Variants in PZP observed in about 807,000 individuals in gnomAD.
PZP encodes the protein PZP alpha-2-macroglobulin like.
In PZP, 150 loss-of-function variants were observed where a neutral mutation model predicts 179.8. That is an observed-to-expected ratio of 0.83 (90% CI 0.73 to 0.96). PZP has a LOEUF of 0.96. Ranked by LOEUF, PZP falls within the 40% of genes least tolerant of loss-of-function variation. PZP has a pLI of 0.00. For synonymous variants in PZP, 624 were observed against 652.3 expected, an observed-to-expected ratio of 0.96 and a Z score of 0.66; for missense variants, 1,689 against 1,764.0, an observed-to-expected ratio of 0.96 and a Z score of 0.76.
chr12:9,194,383 A>G, intron 10 of PZP, 145 bp from the exon 11 acceptor site: 1 of 644,478 alleles, frequency 1.6e-6, no homozygotes, highest in Non-Finnish European at 2.6e-6. Context: ...TTACGACAAA[A>G]TGTTTCCTTC....
chr12:9,148,997 A>G lies in PZP; in HGVS notation c.4427-3T>C, dbSNP rs771866595. ...TCAAACATTTCCATGCTCTGTATCT[A>G]TGGAGAAAAGAAAAACGTAAGGAGG... is the stretch of plus-strand genomic sequence containing the variant. On this transcript the variant is annotated splice_region_variant and splice_polypyrimidine_tract_variant and intron_variant, in intron 35 of 35. Coordinates refer to ENST00000261336, the MANE Select transcript of PZP (RefSeq NM_002864.3). 4.3e-6 allele frequency: 7 copies of G among 1,611,272 alleles called. No homozygotes were observed. The Admixed American group carries it at 5.0e-5, about 12-fold the overall frequency.
chr12:9,177,138 C>T (rs1162437984), intron 15 of PZP, among the ~76,000 whole-genome samples: 1 of 152,136 alleles, frequency 6.6e-6, no homozygotes, highest in Non-Finnish European at 1.5e-5. Flanking sequence ...ATAGGGTTGA[C>T]CTCTGTAGCC....
intron 12 of PZP, 29 bp downstream of exon 12, chr12:9,192,483 G>A: frequency 6.3e-7 from 1 of 1,583,014 alleles, no homozygotes. Context: ...CTGATAAGCT[G>A]CAATTGTATT....
chr12:9,147,546 C>A (rs773814450), downstream of PZP, among the ~76,000 whole-genome samples: 1 of 152,144 alleles, frequency 6.6e-6, no homozygotes, highest in Non-Finnish European at 1.5e-5. Flanking sequence ...AGGAGTCTTT[C>A]AATTAGCCTT....
the PZP span, among the ~76,000 whole-genome samples, chr12:9,137,560 A>T: frequency 6.6e-6 from 1 of 152,046 alleles, no homozygotes; most frequent in Admixed American, 6.5e-5. Flanking sequence ...ATTTTTTTAA[A>T]CAATACCAAT....
At chr12:9,198,978 CAGTTTTGCTTCTTCAGGTTAAA>C (rs1331322428) in intron 7 of PZP, among the ~76,000 whole-genome samples, 43 of 152,266 alleles carry the variant, frequency 2.8e-4, no homozygotes, top group African/African-American at 8.9e-4. Context: ...TGTAGGCTAT[CAGTTTTGCTTCTTCAGGTTAAA>C]AGGAACTGTA....
chr12:9,204,477 A>G (rs1944348805), intron 1 of PZP, among the ~76,000 whole-genome samples: 1 of 152,192 alleles, frequency 6.6e-6, no homozygotes, highest in African/African-American at 2.4e-5. Flanking sequence ...ACAAAATAAC[A>G]CATGTCTATA....
At chr12:9,185,478 G>C (rs1943040974) in intron 13 of PZP, among the ~76,000 whole-genome samples, 1 of 152,202 alleles carries the variant, frequency 6.6e-6, no homozygotes, top group South Asian at 2.1e-4. Flanking sequence ...CCTTGAAAGA[G>C]ATGAGCATAA....
intron 10 of PZP, 107 bp from the exon 11 acceptor site, chr12:9,194,345 T>A: frequency 9.9e-7 from 1 of 1,007,718 alleles, no homozygotes; most frequent in Admixed American, 2.6e-5. Flanking sequence ...AACCTCCCCC[T>A]CAAAAAAACC....
rs1160614432 is a variant in PZP at position 9,208,276 on chromosome 12, G to A, written c.66C>T (p.Asp22=). The change falls in exon 1 of 36, where the codon GAC becomes GAT. Residue 22 remains aspartate (D), a synonymous_variant. Coordinates refer to ENST00000261336, the MANE Select transcript of PZP (RefSeq NM_002864.3). ...VLLLILLSAS[D]SNSTEPQYMV... is the part of the protein sequence containing the mutation. ...AGACTTACGGTTCTGTAGAGTTTGA[G>A]TCACTGGCAGAAAGCAGGATAAGAA... 1 of 1,613,474 alleles carries A rather than the reference G, an allele frequency of 6.2e-7. No homozygotes were observed. The highest frequency in any genetic ancestry group is 1.7e-5 in the Admixed American group (1 of 60,020).
chr12:9,193,322 C>A (rs531661762), intron 11 of PZP, among the ~76,000 whole-genome samples: 4 of 152,046 alleles, frequency 2.6e-5, no homozygotes, highest in Non-Finnish European at 5.9e-5. Flanking sequence ...TTATTTTTTT[C>A]TAAATTTATT....
intron 17 of PZP, 86 bp downstream of exon 17, chr12:9,168,783 T>C (rs1404890859): frequency 1.8e-5 from 18 of 985,822 alleles, no homozygotes; most frequent in Non-Finnish European, 2.7e-5. Context: ...AAAGTGGAAA[T>C]AGGGCTACAT....
In PZP at chr12:9,159,996, G is replaced by A; in HGVS notation, c.3079C>T (p.Gln1027Ter). ...CCAAAGGTGCTGTAGGAGCCATCTT[G>A]GTGTTTGTAGTTCAGCTGTCTCTGG... ...GYQRQLNYKH[Q>*]DGSYSTFGER... The change falls in exon 25 of 36, where the codon CAA becomes TAA. Residue 1027 changes from glutamine to a stop codon, truncating the protein, a stop_gained. Coordinates refer to ENST00000261336, the MANE Select transcript of PZP (RefSeq NM_002864.3). LOFTEE classifies it high-confidence loss of function. 1.9e-6 allele frequency: 3 copies of A among 1,613,910 alleles called. No homozygotes were observed. The highest frequency in any genetic ancestry group is 2.5e-6 in the Non-Finnish European group (3 of 1,179,886).
chr12:9,153,708 T>A (rs917268944), intron 29 of PZP, among the ~76,000 whole-genome samples: 1 of 152,190 alleles, frequency 6.6e-6, no homozygotes, highest in Non-Finnish European at 1.5e-5. Flanking sequence ...TTACTGTACA[T>A]GAAAATGGTA....
chr12:9,163,821 C>A (rs1028285565), intron 20 of PZP, 32 bp from the exon 21 acceptor site: 7 of 1,601,444 alleles, frequency 4.4e-6, no homozygotes, highest in Non-Finnish European at 5.1e-6. Context: ...ACATGAGTAT[C>A]CACTTTGATA....
chr12:9,196,547 C>T, intron 9 of PZP, 24 bp downstream of exon 9: 1 of 1,579,286 alleles, frequency 6.3e-7, no homozygotes, highest in Non-Finnish European at 8.7e-7. Context: ...TGTTTTATTT[C>T]CCATATTCGT....
intron 2 of PZP, 103 bp from the exon 3 acceptor site, chr12:9,202,787 G>A (rs1050198710): frequency 9.1e-7 from 1 of 1,102,264 alleles, no homozygotes. Flanking sequence ...CTTCACCAAG[G>A]AGAAGGAAGG....
chr12:9,168,568 G>A (rs1271345847), intron 17 of PZP: 2 of 258,240 alleles, frequency 7.7e-6, no homozygotes, highest in Non-Finnish European at 1.5e-5. Context: ...TGTCTTTCCT[G>A]TTTCCATAAT....
rs764416754 is a variant in PZP, at chr12:9,149,034, C to T, written c.4427-40G>A. 4 of 1,584,146 alleles carry T rather than the reference C, an allele frequency of 2.5e-6. No homozygotes were observed. The Admixed American group carries it at 6.7e-5, about 26-fold the overall frequency. ...AAAACGTAAGGAGGTTGTATCATTT[C>T]CTGAGGAGCATTCAGTTGAGTGTGG... On this transcript the variant is annotated intron_variant, in intron 35 of 35. Transcript: ENST00000261336.
Sources: gnomAD v4.1 joint callset for allele counts (sites outside exome capture counted in the v4.1 genomes callset) on GRCh38, gnomAD v4.1.1 for gene constraint, MANE v1.5 for transcripts, NCBI Gene and HGNC (gene_info 2026-07-23, HGNC 2026-07-21) for gene names.